GADL1: variants seen among roughly 807,000 people sequenced by gnomAD.
GADL1 encodes GAD like acidic amino acid decarboxylase 1.
In GADL1, 71 loss-of-function variants were observed where a neutral mutation model predicts 69.5. The ratio of observed to expected loss-of-function variants is 1.02; its 90% CI spans 0.84 to 1.25. The LOEUF (loss-of-function observed/expected upper bound fraction) is 1.25, where lower values mean the gene tolerates loss of function less well. GADL1 is among the 50% of genes most tolerant of loss of function. GADL1 has a pLI of 0.00. For synonymous variants in GADL1, 254 were observed against 214.4 expected, an observed-to-expected ratio of 1.18 and a Z score of -1.62; for missense variants, 737 against 631.8, an observed-to-expected ratio of 1.17 and a Z score of -1.79.
At chr3:30,851,197 T>C (rs1426528813) in intron 4 of GADL1, among the ~76,000 whole-genome samples, 3 of 152,150 alleles carry the variant, frequency 2.0e-5, no homozygotes, top group Non-Finnish European at 4.4e-5. Flanking sequence ...CTCAATTCCG[T>C]GAGGAGCAAT....
At chr3:30,849,941 C>G in intron 6 of GADL1, 55 bp downstream of exon 6, 1 of 1,042,176 alleles carries the variant, frequency 9.6e-7, no homozygotes. Context: ...AAACAAAGCC[C>G]TCTTAAATAT....
Position 30,854,804 on chromosome 3 carries a change from TG to T in GADL1, c.338-16del. ...TCTTGGGTGGTCTGTAAATTTAAAATGGAGTATTCATCTATGCAGCAATAAA... is the reference window on the plus strand; with the variant it reads ...TCTTGGGTGGTCTGTAAATTTAAAATGAGTATTCATCTATGCAGCAATAAA... On this transcript the variant is annotated splice_polypyrimidine_tract_variant and intron_variant, in intron 3 of 14. Coordinates refer to ENST00000282538, the MANE Select transcript of GADL1 (RefSeq NM_207359.3). The T allele has an allele frequency of 2.9e-6, 4 of 1,400,948 alleles. No individual in the cohort carries two copies. The highest frequency in any genetic ancestry group is 4.0e-6 in the Non-Finnish European group (4 of 1,011,832). The allele number at this position is 1,400,948 out of a possible 1,614,324, so 86.8% of individuals were successfully genotyped here. A position where few individuals can be genotyped will look rare whatever the true frequency, so the allele number is the denominator to read the frequency against.
At chr3:30,803,300 T>C (rs1448311105) in intron 11 of GADL1, among the ~76,000 whole-genome samples, 2 of 152,148 alleles carry the variant, frequency 1.3e-5, no homozygotes, top group East Asian at 1.9e-4. Context: ...AGTCAGGAAA[T>C]TTGGTTGTTT....
chr3:30,862,803 C>A (rs1015306558), intron 1 of GADL1, among the ~76,000 whole-genome samples: 1 of 151,928 alleles, frequency 6.6e-6, no homozygotes, highest in Non-Finnish European at 1.5e-5. Context: ...AAATGTATGT[C>A]CCCTCTTCCT....
intron 11 of GADL1, among the ~76,000 whole-genome samples, chr3:30,829,309 C>G (rs1314751975): frequency 6.6e-6 from 1 of 151,752 alleles, no homozygotes; most frequent in Non-Finnish European, 1.5e-5. Context: ...TGAAGCAGTC[C>G]TATTTACTAA....
intron 14 of GADL1, among the ~76,000 whole-genome samples, chr3:30,756,703 A>G (rs1195859972): frequency 6.6e-6 from 1 of 152,168 alleles, no homozygotes; most frequent in East Asian, 1.9e-4. Flanking sequence ...GATCATGCGG[A>G]GGAGAGTTTA....
intron 9 of GADL1, among the ~76,000 whole-genome samples, chr3:30,836,660 T>A (rs1437238087): frequency 6.6e-6 from 1 of 152,078 alleles, no homozygotes; most frequent in Admixed American, 6.6e-5. Context: ...AAGAATGGAA[T>A]TGAGATTTGG....
chr3:30,790,107 T>C (rs1479136049), intron 12 of GADL1, among the ~76,000 whole-genome samples: 3 of 152,200 alleles, frequency 2.0e-5, no homozygotes, highest in Non-Finnish European at 4.4e-5. Flanking sequence ...TTCTAGATTA[T>C]TTGAAGTGAC....
At chr3:30,796,045 C>A (rs893143675) in intron 12 of GADL1, among the ~76,000 whole-genome samples, 1 of 152,156 alleles carries the variant, frequency 6.6e-6, no homozygotes, top group South Asian at 2.1e-4. Context: ...TGTGATATTT[C>A]TCTGCAGAAA....
intron 14 of GADL1, among the ~76,000 whole-genome samples, chr3:30,759,727 G>T (rs1457333276): frequency 6.6e-6 from 1 of 152,152 alleles, no homozygotes; most frequent in African/African-American, 2.4e-5. Context: ...CACTTCCTTA[G>T]AAGTAACATT....
chr3:30,857,128 C>T lies in GADL1; in HGVS notation c.224G>A (p.Arg75Lys). 6.5e-7 allele frequency: 1 copy of T among 1,550,188 alleles called. No homozygotes were observed. The highest frequency in any genetic ancestry group is 8.7e-7 in the Non-Finnish European group (1 of 1,145,848). ...AAGCTGTTTCAGTTGTTCAGGAGGC[C>T]TCCATTCACACACCTGGAGATTCAA... The part of the protein sequence containing the change: ...TDVNEKVCEW[R>K]PPEQLKQLLD... Residue 75 changes from arginine (R) to lysine (K), a missense_variant, in exon 3 of 15, where the codon AGG becomes AAG. Coordinates refer to ENST00000282538, the MANE Select transcript of GADL1 (RefSeq NM_207359.3).
chr3:30,879,806 GA>G (rs1390030675), intron 1 of GADL1, among the ~76,000 whole-genome samples: 1 of 151,788 alleles, frequency 6.6e-6, no homozygotes, highest in African/African-American at 2.4e-5. Flanking sequence ...TCTGCACCAG[GA>G]AAAAAACTCT....
At chr3:30,792,842 G>A (rs1399590468) in intron 12 of GADL1, among the ~76,000 whole-genome samples, 2 of 152,090 alleles carry the variant, frequency 1.3e-5, no homozygotes, top group African/African-American at 4.8e-5. Flanking sequence ...ACAGTATCTT[G>A]TTGACTGAGC....
intron 1 of GADL1, among the ~76,000 whole-genome samples, chr3:30,867,465 T>C (rs1464524269): frequency 2.9e-5 from 4 of 139,828 alleles, no homozygotes; most frequent in Admixed American, 7.2e-5. Flanking sequence ...TATATACATA[T>C]ATATGAGAGA....
intron 12 of GADL1, among the ~76,000 whole-genome samples, chr3:30,793,846 C>T (rs1696972916): frequency 6.6e-6 from 1 of 152,126 alleles, no homozygotes; most frequent in Admixed American, 6.6e-5. Flanking sequence ...AAGTTTCTCT[C>T]CTAGTCTCAT....
At position 30,833,917 on chromosome 3, in the gene GADL1, C is replaced by A. The variant is rs774970937; in HGVS notation, c.986G>T (p.Trp329Leu). ...AGCCATCAGCATCTTGTGTGGGTTC[C>A]AGGCCACAGAGTCAGCCCTATTGTT... The part of the protein sequence containing the change: ...HGIHRADSVA[W>L]NPHKMLMAGI... Residue 329 changes from tryptophan to leucine, a missense_variant, in exon 11 of 15, where the codon TGG becomes TTG. By Grantham distance (61) the Trp-to-Leu change is moderately conservative. Transcript: ENST00000282538. The A allele has an allele frequency of 6.2e-7, 1 of 1,612,318 alleles. No homozygotes were observed.
At chr3:30,863,350 A>C (rs1006352213) in intron 1 of GADL1, among the ~76,000 whole-genome samples, 6 of 152,012 alleles carry the variant, frequency 3.9e-5, no homozygotes, top group Admixed American at 3.9e-4. Flanking sequence ...TCAACCTTGC[A>C]GCTTAAGCAC....
chr3:30,765,260 C>A (rs1230839713), intron 14 of GADL1, among the ~76,000 whole-genome samples: 1 of 152,024 alleles, frequency 6.6e-6, no homozygotes, highest in Non-Finnish European at 1.5e-5. Context: ...CTCGGCTCTT[C>A]CTGCACATCA....
intron 11 of GADL1, among the ~76,000 whole-genome samples, chr3:30,802,541 G>C (rs1007909087): frequency 1.4e-4 from 22 of 152,172 alleles, no homozygotes; most frequent in African/African-American, 5.1e-4. Flanking sequence ...CTTCTGATCA[G>C]AGAATGTATT....
Sources: allele counts gnomAD v4.1 joint callset (sites outside exome capture counted in the v4.1 genomes callset), GRCh38; gene constraint gnomAD v4.1.1; transcripts MANE v1.5; gene names NCBI Gene and HGNC (gene_info 2026-07-23, HGNC 2026-07-21).